ADAM2: variants seen among roughly 807,000 people sequenced by gnomAD.
ADAM2 encodes disintegrin and metalloproteinase domain-containing protein 2.
ADAM2 carries 101 observed loss-of-function variants against 99.3 expected under a neutral mutation model. That is an observed-to-expected ratio of 1.02 (90% confidence interval 0.87 to 1.20). ADAM2 has a LOEUF of 1.20. ADAM2 is among the 50% of genes most tolerant of loss of function. The pLI, the probability that ADAM2 is intolerant of heterozygous loss-of-function variation, is 0.00. For synonymous variants in ADAM2, 323 were observed against 287.6 expected (o/e 1.12, Z -1.25); for missense variants, 948 against 878.7 (o/e 1.08, Z -1.00).
At chr8:39,802,659 A>G (rs1380277777) in intron 7 of ADAM2, among the ~76,000 whole-genome samples, 1 of 152,186 alleles carries the variant, frequency 6.6e-6, no homozygotes, top group Non-Finnish European at 1.5e-5. Flanking sequence ...AACTTGATGT[A>G]AATCTTAAGA....
intron 6 of ADAM2, 48 bp downstream of exon 6, chr8:39,820,954 C>T: frequency 8.2e-7 from 1 of 1,213,592 alleles, no homozygotes; most frequent in Non-Finnish European, 1.1e-6. Context: ...TCAGTGCTTA[C>T]ATTGCTGTAT....
intron 15 of ADAM2, among the ~76,000 whole-genome samples, chr8:39,757,031 A>G (rs1012556918): frequency 6.6e-6 from 1 of 152,214 alleles, no homozygotes. Flanking sequence ...TTCCCTCTTC[A>G]TATATAAGAT....
intron 10 of ADAM2, among the ~76,000 whole-genome samples, chr8:39,785,283 T>C (rs924563655): frequency 6.6e-6 from 1 of 152,168 alleles, no homozygotes; most frequent in Non-Finnish European, 1.5e-5. Context: ...AACCAGCTAA[T>C]CATTAGAGAA....
intron 1 of ADAM2, 100 bp from the exon 2 acceptor site, chr8:39,837,312 T>A (rs1009943405): frequency 6.0e-6 from 4 of 669,156 alleles, no homozygotes; most frequent in African/African-American, 5.6e-5. Flanking sequence ...TTCTATACGC[T>A]GCTTCTCATT....
In ADAM2 at chr8:39,804,328, T is replaced by C. The variant is rs556263981; in HGVS notation, c.570+5082A>G. 9.9e-5 allele frequency among the ~76,000 whole-genome samples: 15 copies of C among 152,256 alleles called. No homozygotes were observed. In the South Asian group the frequency reaches 2.5e-3, roughly 25 times the overall value. On this transcript the variant is annotated intron_variant, in intron 7 of 20. Coordinates refer to ENST00000265708, the MANE Select transcript of ADAM2 (RefSeq NM_001464.5). Reference sequence around the variant, plus strand: ...ATGGCAAGGGAGTTGCAGGTGTTCGTAGGGAATGACGGTAATCATGAAACC... The same window carrying C: ...ATGGCAAGGGAGTTGCAGGTGTTCGCAGGGAATGACGGTAATCATGAAACC...
intron 3 of ADAM2, among the ~76,000 whole-genome samples, chr8:39,832,814 T>C: frequency 7.5e-6 from 1 of 134,220 alleles, no homozygotes; most frequent in African/African-American, 3.0e-5. Context: ...ACCGCTTGTG[T>C]GCAAGAAAAT....
chr8:39,804,463 A>G (rs886798121), intron 7 of ADAM2, among the ~76,000 whole-genome samples: 1 of 152,202 alleles, frequency 6.6e-6, no homozygotes. Context: ...TAAAGTCTGG[A>G]AATGGGAAAG....
intron 10 of ADAM2, among the ~76,000 whole-genome samples, chr8:39,780,473 A>T (rs1803171119): frequency 6.6e-6 from 1 of 152,196 alleles, no homozygotes; most frequent in East Asian, 1.9e-4. Flanking sequence ...TATCTCATCC[A>T]CCAGAGAGAA....
chr8:39,791,846 G>A (rs1803731659), intron 7 of ADAM2, among the ~76,000 whole-genome samples: 1 of 151,928 alleles, frequency 6.6e-6, no homozygotes, highest in African/African-American at 2.4e-5. Context: ...GACTATATTG[G>A]TCAAAGGAAT....
At chr8:39,791,972 G>C (rs577084778) in intron 7 of ADAM2, among the ~76,000 whole-genome samples, 1 of 152,098 alleles carries the variant, frequency 6.6e-6, no homozygotes, top group Non-Finnish European at 1.5e-5. Context: ...TGACAGAATG[G>C]GTTAGCTTGA....
intron 3 of ADAM2, among the ~76,000 whole-genome samples, chr8:39,827,263 G>GA (rs1351151570): frequency 2.0e-5 from 3 of 152,070 alleles, no homozygotes; most frequent in Non-Finnish European, 4.4e-5. Flanking sequence ...GGAGAAAGGG[G>GA]AACACTTCCA....
intron 10 of ADAM2, among the ~76,000 whole-genome samples, chr8:39,781,408 A>G (rs1431077846): frequency 6.6e-6 from 1 of 152,172 alleles, no homozygotes; most frequent in Non-Finnish European, 1.5e-5. Context: ...TCCACATAAA[A>G]TAGAATCTTT....
chr8:39,810,420 T>C (rs940939350), intron 6 of ADAM2, among the ~76,000 whole-genome samples: 3 of 152,204 alleles, frequency 2.0e-5, no homozygotes, highest in Non-Finnish European at 4.4e-5. Context: ...AACTCAGCTC[T>C]GCACCAAGTG....
intron 11 of ADAM2, among the ~76,000 whole-genome samples, chr8:39,775,907 C>T (rs1802968896): frequency 6.6e-6 from 1 of 152,046 alleles, no homozygotes; most frequent in Admixed American, 6.6e-5. Context: ...AATAACATAG[C>T]AACTTACTAT....
At chr8:39,820,229 G>T (rs774391221) in intron 6 of ADAM2, among the ~76,000 whole-genome samples, 95 of 152,116 alleles carry the variant, frequency 6.2e-4, no homozygotes, top group Non-Finnish European at 1.0e-3. Context: ...CAAAGTATTT[G>T]AATTACCATC....
At position 39,746,419 on chromosome 8, in the gene ADAM2, A is replaced by G. The variant is rs1823463332; in HGVS notation, c.2174+53T>C. On this transcript the variant is annotated intron_variant, in intron 19 of 20. Coordinates refer to ENST00000265708, the MANE Select transcript of ADAM2 (RefSeq NM_001464.5). ...CATTACATCGACCACATTGCTATTT[A>G]CTATGTTCATAAATTATACAAATAA... 3.3e-6 allele frequency: 4 copies of G among 1,205,208 alleles called. No homozygotes were observed. The Admixed American group carries it at 1.1e-4, about 32-fold the overall frequency. The allele number at this position is 1,205,208 out of a possible 1,614,324, so 74.7% of individuals were successfully genotyped here.
chr8:39,762,570 T>C (rs2129583888), intron 14 of ADAM2, among the ~76,000 whole-genome samples: 1 of 152,340 alleles, frequency 6.6e-6, no homozygotes. Context: ...AGGTATTTTG[T>C]AGGTGTAATG....
Position 39,821,074 on chromosome 8 carries a change from T to G in ADAM2, c.441A>C (p.Lys147Asn), listed in dbSNP as rs778890538. 2 of 1,606,316 alleles carry G rather than the reference T, an allele frequency of 1.2e-6. No individual in the cohort carries two copies. Among genetic ancestry groups the G allele is most frequent in the African/African-American group, 2.7e-5 (2 of 74,698 alleles). The change falls in exon 6 of 21, where the codon AAA (lysine) becomes AAC (asparagine). Residue 147 changes from lysine to asparagine, a missense_variant. Physicochemically the swap from Lys to Asn is moderately conservative, Grantham distance 94 (BLOSUM62 0). Transcript: ENST00000265708. ...EHVIYQVKHKKADVSLYNEKD... is the reference protein window; with the variant it reads ...EHVIYQVKHKNADVSLYNEKD... ...TCTCATTATATAAGGAAACATCTGCTTTCTTATGTTTTACTTGGTAAATTA... is the reference window on the plus strand; with the variant it reads ...TCTCATTATATAAGGAAACATCTGCGTTCTTATGTTTTACTTGGTAAATTA...
chr8:39,813,631 G>A (rs1328759561), intron 6 of ADAM2, among the ~76,000 whole-genome samples: 2 of 152,224 alleles, frequency 1.3e-5, no homozygotes, highest in African/African-American at 2.4e-5. Flanking sequence ...GGACATGGAT[G>A]AAGCTGGAAA....
Sources: gnomAD v4.1 joint callset for allele counts (sites outside exome capture counted in the v4.1 genomes callset) on GRCh38, gnomAD v4.1.1 for gene constraint, MANE v1.5 for transcripts, NCBI Gene and HGNC (gene_info 2026-07-23, HGNC 2026-07-21) for gene names.